The following KCNJ15 variants were observed in gnomAD, a reference collection of about 807,000 sequenced individuals.
KCNJ15 encodes potassium inwardly rectifying channel subfamily J member 15.
KCNJ15 carries 14 observed loss-of-function variants against 23.0 expected under a neutral mutation model. That is an observed-to-expected ratio of 0.61 (90% confidence interval 0.40 to 0.95). KCNJ15 has a LOEUF of 0.95. Ranked by LOEUF, KCNJ15 falls within the 40% of genes least tolerant of loss-of-function variation. KCNJ15 has a pLI of 0.00. For missense variants in KCNJ15, 388 were observed against 461.8 expected, an observed-to-expected ratio of 0.84 and a Z score of 1.46; for synonymous variants, 185 against 183.2, an observed-to-expected ratio of 1.01 and a Z score of -0.08.
At chr21:38,246,024 A>G (rs1042503720) in intron 1 of KCNJ15, among the ~76,000 whole-genome samples, 12 of 152,272 alleles carry the variant, frequency 7.9e-5, no homozygotes, top group Non-Finnish European at 1.3e-4. Flanking sequence ...TTTATCATTT[A>G]TAAAGTAAGA....
intron 1 of KCNJ15, among the ~76,000 whole-genome samples, chr21:38,263,549 G>C (rs1470163716): frequency 6.6e-6 from 1 of 152,172 alleles, no homozygotes; most frequent in Non-Finnish European, 1.5e-5. Context: ...TTGAATCCAA[G>C]TTGTACATCC....
At chr21:38,267,032 G>T (rs1270650461) in intron 1 of KCNJ15, among the ~76,000 whole-genome samples, 3 of 152,218 alleles carry the variant, frequency 2.0e-5, no homozygotes, top group Non-Finnish European at 4.4e-5. Flanking sequence ...AGGGTATTTT[G>T]AGAGACTGAG....
intron 1 of KCNJ15, among the ~76,000 whole-genome samples, chr21:38,262,639 G>T (rs901481326): frequency 6.6e-6 from 1 of 151,394 alleles, no homozygotes; most frequent in African/African-American, 2.4e-5. Flanking sequence ...CCTTTAAACA[G>T]TATTTTTAAA....
chr21:38,263,797 G>A (rs1274895800), intron 1 of KCNJ15, among the ~76,000 whole-genome samples: 2 of 152,150 alleles, frequency 1.3e-5, no homozygotes, highest in African/African-American at 2.4e-5. Flanking sequence ...TCGGGATTGC[G>A]AAGTGGCTGC....
chr21:38,247,141 G>C (rs549829913), intron 1 of KCNJ15, among the ~76,000 whole-genome samples: 2 of 124,510 alleles, frequency 1.6e-5, no homozygotes, highest in African/African-American at 3.1e-5. Flanking sequence ...TGGATGGATG[G>C]ATGGATGGAT....
At chr21:38,266,351 A>G (rs963622267) in intron 1 of KCNJ15, among the ~76,000 whole-genome samples, 3 of 152,006 alleles carry the variant, frequency 2.0e-5, no homozygotes, top group African/African-American at 2.4e-5. Flanking sequence ...ATGTATTCTC[A>G]TTGTTCAATT....
intron 1 of KCNJ15, among the ~76,000 whole-genome samples, chr21:38,268,565 A>AAG (rs1555883218): frequency 7.6e-6 from 1 of 131,694 alleles, no homozygotes; most frequent in Non-Finnish European, 1.5e-5. Context: ...AAAAAAAAAA[A>AAG]AAAAAAAAAA....
chr21:38,264,040 A>C (rs1438667080), intron 1 of KCNJ15, among the ~76,000 whole-genome samples: 1 of 152,228 alleles, frequency 6.6e-6, no homozygotes, highest in East Asian at 1.9e-4. Flanking sequence ...ACACAGATCC[A>C]CAGTGCCAGA....
rs1185024801 is a variant in KCNJ15, at chr21:38,299,318, G to A, written c.57G>A (p.Gly19=). The change falls in exon 3 of 3, where the codon GGG becomes GGA. Residue 19 remains glycine (G), a synonymous_variant. Coordinates refer to ENST00000398938, the MANE Select transcript of KCNJ15 (RefSeq NM_170736.3). This position sits in a 1 kb window ranked among gnomAD's most constrained non-coding sequence, Gnocchi z 4.5. ...SSTPLVKHTA[G]AGLKANRPRV... Reference sequence around the variant, plus strand: ...CCCCCCTGGTGAAGCACACTGCTGGGGCTGGGCTCAAGGCCAACAGACCCC... The same window carrying A: ...CCCCCCTGGTGAAGCACACTGCTGGAGCTGGGCTCAAGGCCAACAGACCCC... The A allele has an allele frequency of 6.2e-7, 1 of 1,614,090 alleles. No individual in the cohort carries two copies. Among genetic ancestry groups the A allele is most frequent in the African/African-American group, 1.3e-5 (1 of 74,944 alleles).
rs779581944 is a variant in KCNJ15, at chr21:38,300,053, G to T, written c.792G>T (p.Leu264=). ...FYHVLDETSP[L]RDLTPQNLKE... ...ATGTGCTGGATGAGACGAGCCCCCT[G>T]AGAGACCTCACACCCCAAAACCTAA... Residue 264 remains leucine, a synonymous_variant, in exon 3 of 3, where the codon CTG becomes CTT. Coordinates refer to ENST00000398938, the MANE Select transcript of KCNJ15 (RefSeq NM_170736.3). 13 of 1,613,934 alleles carry T rather than the reference G, an allele frequency of 8.1e-6. No homozygotes were observed. Among genetic ancestry groups the T allele is most frequent in the Non-Finnish European group, 1.1e-5 (13 of 1,180,000 alleles).
At chr21:38,237,660 C>T (rs1978703489) in intron 1 of KCNJ15, among the ~76,000 whole-genome samples, 1 of 152,178 alleles carries the variant, frequency 6.6e-6, no homozygotes, top group Admixed American at 6.5e-5. Context: ...TTCCTGCTGA[C>T]CTCCATTCAA....
chr21:38,248,244 C>T (rs958915892), intron 1 of KCNJ15, among the ~76,000 whole-genome samples: 2 of 152,140 alleles, frequency 1.3e-5, no homozygotes, highest in South Asian at 2.1e-4. Flanking sequence ...ACAAATATTT[C>T]GTTAAGTTCT....
chr21:38,231,999 T>C (rs1475814568), intron 1 of KCNJ15, among the ~76,000 whole-genome samples: 1 of 151,888 alleles, frequency 6.6e-6, no homozygotes, highest in Admixed American at 6.6e-5. Context: ...TTTCTATTTT[T>C]TCAAAGAGTT....
At chr21:38,247,057 A>AATGGATGGATGGATGG (rs1234072753) in intron 1 of KCNJ15, among the ~76,000 whole-genome samples, 3 of 119,972 alleles carry the variant, frequency 2.5e-5, no homozygotes, top group Non-Finnish European at 5.4e-5. Context: ...TGGATGGGTG[A>AATGGATGGATGGATGG]ATGGATGGAT....
intron 1 of KCNJ15, among the ~76,000 whole-genome samples, chr21:38,279,547 A>G (rs1004139277): frequency 6.6e-6 from 1 of 152,156 alleles, no homozygotes; most frequent in African/African-American, 2.4e-5. Flanking sequence ...TGGAAATATC[A>G]AGGAAGATAA....
At chr21:38,238,177 GT>G (rs1256154769) in intron 1 of KCNJ15, 2 of 425,778 alleles carry the variant, frequency 4.7e-6, no homozygotes, top group Non-Finnish European at 8.9e-6. Flanking sequence ...TGAGTCTTTA[GT>G]CAGTTGGGAA....
At chr21:38,262,525 G>A (rs940591026) in intron 1 of KCNJ15, among the ~76,000 whole-genome samples, 2 of 152,088 alleles carry the variant, frequency 1.3e-5, no homozygotes, top group East Asian at 3.9e-4. Context: ...AACAACATCA[G>A]AATACAATGG....
chr21:38,282,470 G>C (rs190574975), intron 1 of KCNJ15, among the ~76,000 whole-genome samples: 21 of 152,284 alleles, frequency 1.4e-4, no homozygotes, highest in Non-Finnish European at 2.6e-4. Context: ...TTCTCTTCAA[G>C]ATAGAACATT....
intron 1 of KCNJ15, chr21:38,237,127 C>G (rs1302751868): frequency 6.6e-6 from 1 of 152,222 alleles, no homozygotes; most frequent in Non-Finnish European, 1.5e-5. Flanking sequence ...GCAAACTCTT[C>G]TAAAGAGATT....
Sources: allele counts gnomAD v4.1 joint callset (sites outside exome capture counted in the v4.1 genomes callset), GRCh38; gene constraint gnomAD v4.1.1; non-coding constraint Gnocchi (gnomAD v3.1); transcripts MANE v1.5; gene names NCBI Gene and HGNC (gene_info 2026-07-23, HGNC 2026-07-21).